Variants in SNX29 observed in about 807,000 individuals in gnomAD.
The protein encoded by SNX29 is sorting nexin 29, also known as sorting nexin-29.
A neutral mutation model predicts 102.1 loss-of-function variants in SNX29; 78 were observed. The observed-to-expected ratio is 0.76, with a 90% CI of 0.64 to 0.92. SNX29 has a LOEUF of 0.92. SNX29 is among the 40% of genes least tolerant of loss of function. SNX29 has a pLI of 0.00. For synonymous variants in SNX29, 580 were observed against 414.5 expected (o/e 1.40, Z -4.85); for missense variants, 1,280 against 1,061.7 (o/e 1.21, Z -2.86).
chr16:12,025,381 C>G (rs1449396231), intron 3 of SNX29, among the ~76,000 whole-genome samples: 1 of 148,970 alleles, frequency 6.7e-6, no homozygotes, highest in Non-Finnish European at 1.5e-5. Flanking sequence ...AGAGTGATAT[C>G]TGCCCAGCAA....
At chr16:12,030,532 A>C (rs1363436410) in intron 4 of SNX29, among the ~76,000 whole-genome samples, 2 of 152,142 alleles carry the variant, frequency 1.3e-5, no homozygotes, top group Non-Finnish European at 2.9e-5. Context: ...TCTGTCTCTC[A>C]CATGGGTCCC....
Position 12,568,735 on chromosome 16 carries a change from T to G in SNX29, c.*106T>G, listed in dbSNP as rs1441064753. 5 of 1,473,362 alleles carry G rather than the reference T, an allele frequency of 3.4e-6. No homozygotes were observed. The African/African-American group carries it at 5.6e-5, about 17-fold the overall frequency. The allele number at this position is 1,473,362 out of a possible 1,614,324, so 91.3% of individuals were successfully genotyped here. A position where few individuals can be genotyped will look rare whatever the true frequency, so the allele number is the denominator to read the frequency against. On this transcript the variant is annotated 3_prime_UTR_variant, in exon 21 of 21. Coordinates refer to ENST00000566228, the MANE Select transcript of SNX29 (RefSeq NM_032167.5). ...CAGCGTGACAACCACGTCCACCTGG[T>G]GATCCTGAGAGCACACGATTCCCAA...
rs551124492 is a variant in SNX29 at position 12,563,798 on chromosome 16, C to G, written c.2319-4708C>G. 7.9e-5 allele frequency among the ~76,000 whole-genome samples: 12 copies of G among 152,358 alleles called. No individual in the cohort carries two copies. The East Asian group carries it at 1.2e-3, about 15-fold the overall frequency. On this transcript the variant is annotated intron_variant, in intron 20 of 20. Coordinates refer to ENST00000566228, the MANE Select transcript of SNX29 (RefSeq NM_032167.5). ...GCCGACCTGTCTGAAGACTGCAACA[C>G]CCACCCATTTGCTGCTTTTTATTTA...
chr16:12,133,450 C>T (rs2054549498), intron 13 of SNX29, among the ~76,000 whole-genome samples: 1 of 151,896 alleles, frequency 6.6e-6, no homozygotes, highest in South Asian at 2.1e-4. Context: ...CCACCATAGC[C>T]AGCTAATTTT....
chr16:12,080,371 G>A (rs1202896653), intron 11 of SNX29, among the ~76,000 whole-genome samples: 1 of 152,172 alleles, frequency 6.6e-6, no homozygotes, highest in African/African-American at 2.4e-5. Flanking sequence ...GTGAGCATGT[G>A]TGGTTTACTG....
intron 20 of SNX29, among the ~76,000 whole-genome samples, chr16:12,536,677 T>A (rs1383073474): frequency 2.0e-5 from 3 of 152,150 alleles, no homozygotes; most frequent in African/African-American, 7.2e-5. Context: ...GAAGAGCTGG[T>A]ATTAAGAGGT....
At chr16:12,504,617 C>T (rs927166944) in intron 19 of SNX29, among the ~76,000 whole-genome samples, 3 of 152,184 alleles carry the variant, frequency 2.0e-5, no homozygotes, top group Non-Finnish European at 4.4e-5. Context: ...TTCAGTTACC[C>T]ACAGTACAGT....
At chr16:11,983,088 G>A (rs1216955481) in intron 1 of SNX29, among the ~76,000 whole-genome samples, 2 of 151,978 alleles carry the variant, frequency 1.3e-5, no homozygotes, top group South Asian at 2.1e-4. Context: ...GCACCACCAC[G>A]CCTGGCTAAT....
chr16:12,290,261 C>T (rs1479028399), intron 15 of SNX29, among the ~76,000 whole-genome samples: 1 of 152,142 alleles, frequency 6.6e-6, no homozygotes, highest in East Asian at 1.9e-4. Context: ...AGCATGTTTT[C>T]CTTTCTCAAA....
intron 18 of SNX29, among the ~76,000 whole-genome samples, chr16:12,475,852 G>A (rs140386088): frequency 2.6e-5 from 4 of 152,292 alleles, no homozygotes; most frequent in East Asian, 1.9e-4. Flanking sequence ...TTTCAAAAGC[G>A]GCCAAAACAA....
At chr16:12,408,713 G>A (rs1164640941) in intron 18 of SNX29, among the ~76,000 whole-genome samples, 1 of 152,202 alleles carries the variant, frequency 6.6e-6, no homozygotes, top group African/African-American at 2.4e-5. Context: ...CCAGCCACTC[G>A]AGAGGCTGAG....
chr16:12,468,113 C>T, intron 18 of SNX29, among the ~76,000 whole-genome samples: 1 of 151,284 alleles, frequency 6.6e-6, no homozygotes, highest in Admixed American at 6.6e-5. Context: ...CATGTTCCCT[C>T]TGCCCTGCCC....
intron 18 of SNX29, among the ~76,000 whole-genome samples, chr16:12,471,857 C>T (rs1004594821): frequency 4.6e-5 from 7 of 152,234 alleles, no homozygotes; most frequent in Non-Finnish European, 1.5e-5. Context: ...CCTTTGTGCC[C>T]TGCACAAGAA....
At chr16:12,260,102 C>G (rs1005419481) in intron 14 of SNX29, among the ~76,000 whole-genome samples, 6 of 152,212 alleles carry the variant, frequency 3.9e-5, no homozygotes, top group East Asian at 1.9e-4. Flanking sequence ...TGACCTGACC[C>G]TATGGCATTC....
At chr16:11,999,153 C>G (rs1282158197) in intron 1 of SNX29, 144 bp from the exon 2 acceptor site, 1 of 701,664 alleles carries the variant, frequency 1.4e-6, no homozygotes, top group Non-Finnish European at 2.4e-6. Flanking sequence ...CAGGCAATAG[C>G]CAAACTTCAT....
intron 4 of SNX29, 57 bp downstream of exon 4, chr16:12,027,501 T>A (rs1187671421): frequency 5.6e-6 from 9 of 1,594,328 alleles, no homozygotes; most frequent in Non-Finnish European, 7.7e-6. Flanking sequence ...GCTCTTTTTC[T>A]TTTTATTTAT....
At chr16:12,241,705 G>A (rs913180411) in intron 14 of SNX29, among the ~76,000 whole-genome samples, 17 of 152,044 alleles carry the variant, frequency 1.1e-4, no homozygotes, top group South Asian at 2.1e-4. Context: ...CAAGTGATCC[G>A]CCTGCCTTGG....
intron 14 of SNX29, among the ~76,000 whole-genome samples, chr16:12,250,915 G>C (rs911398079): frequency 6.6e-6 from 1 of 152,220 alleles, no homozygotes; most frequent in South Asian, 2.1e-4. Flanking sequence ...CCTGACCCCG[G>C]TACTGCAGTT....
chr16:12,064,190 C>G (rs111658584), intron 9 of SNX29, among the ~76,000 whole-genome samples: 3 of 151,990 alleles, frequency 2.0e-5, no homozygotes, highest in East Asian at 3.9e-4. Flanking sequence ...TAGCTGGGCC[C>G]CCTGAACCAT....
Sources: allele counts gnomAD v4.1 joint callset (sites outside exome capture counted in the v4.1 genomes callset), GRCh38; gene constraint gnomAD v4.1.1; transcripts MANE v1.5; gene names NCBI Gene and HGNC (gene_info 2026-07-23, HGNC 2026-07-21).